ANHX: variants seen among roughly 807,000 people sequenced by gnomAD.
ANHX encodes the protein anomalous homeobox protein.
Under a neutral mutation model 38.9 loss-of-function variants are expected in ANHX, and 20 were observed. That is an observed-to-expected ratio of 0.51 (90% CI 0.36 to 0.75). ANHX has a LOEUF of 0.75. Ranked by LOEUF, ANHX falls within the 30% of genes least tolerant of loss-of-function variation. ANHX has a pLI of 0.00. For synonymous variants in ANHX, 185 were observed against 203.1 expected (o/e 0.91, Z 0.76); for missense variants, 475 against 493.1 (o/e 0.96, Z 0.35).
intron 4 of ANHX, among the ~76,000 whole-genome samples, 161 bp from the exon 5 acceptor site, chr12:133,227,313 C>A (rs1025023210): frequency 6.6e-5 from 10 of 152,214 alleles, no homozygotes; most frequent in African/African-American, 2.2e-4. Context: ...GCAGAACATG[C>A]AGGCCTCACC....
chr12:133,227,757 T>G (rs925857487), intron 4 of ANHX, 67 bp downstream of exon 4: 1 of 1,513,012 alleles, frequency 6.6e-7, no homozygotes, highest in Non-Finnish European at 8.8e-7. Context: ...GGGGTGGGGG[T>G]ACCCCTTGGG....
Position 133,227,119 on chromosome 12 carries a change from C to G in ANHX, c.535G>C (p.Glu179Gln), listed in dbSNP as rs1202660862. ...NLALETSLTP[E>Q]QVYNWFANYR... is the part of the protein sequence containing the mutation. The stretch of plus-strand genomic sequence containing the variant: ...TTGGCAAACCAGTTGTACACCTGCT[C>G]AGGGGTCAAGCTCGTCTCCAATGCC... The change falls in exon 5 of 10, where the codon GAG becomes CAG. Residue 179 changes from glutamate (E) to glutamine (Q), a missense_variant. By Grantham distance (29) the Glu-to-Gln change is conservative. Transcript: ENST00000545940. 6.5e-7 allele frequency: 1 copy of G among 1,535,940 alleles called. No homozygotes were observed. Among genetic ancestry groups the G allele is most frequent in the Non-Finnish European group, 8.7e-7 (1 of 1,146,780 alleles).
chr12:133,229,307 A>G (rs1047670830), intron 3 of ANHX, among the ~76,000 whole-genome samples: 4 of 152,188 alleles, frequency 2.6e-5, no homozygotes, highest in African/African-American at 9.7e-5. Context: ...AAGATGATAT[A>G]TGCACCAATA....
intron 1 of ANHX, chr12:133,235,410 A>T (rs1042667284): frequency 1.3e-5 from 2 of 152,534 alleles, no homozygotes; most frequent in African/African-American, 4.8e-5. Flanking sequence ...AGCTGAATGG[A>T]GGGGAAGGGT....
chr12:133,222,586 A>G (rs917552909), intron 7 of ANHX, among the ~76,000 whole-genome samples: 1 of 152,178 alleles, frequency 6.6e-6, no homozygotes, highest in Non-Finnish European at 1.5e-5. Context: ...CAGTAAGTAC[A>G]GACAGGCAAA....
chr12:133,230,595 A>G (rs1957256112), intron 3 of ANHX, among the ~76,000 whole-genome samples: 1 of 152,144 alleles, frequency 6.6e-6, no homozygotes, highest in Non-Finnish European at 1.5e-5. Context: ...TGGGAAATAT[A>G]GCAAGACCCT....
At chr12:133,228,365 T>A (rs776783542) in intron 3 of ANHX, among the ~76,000 whole-genome samples, 10 of 152,112 alleles carry the variant, frequency 6.6e-5, no homozygotes, top group Admixed American at 2.0e-4. Context: ...ACACACACAC[T>A]GTTGTCCTCA....
rs149056164 is a variant in ANHX, at chr12:133,232,052, G to A, written c.250-408C>T. ...TCCAGTGACTCTCTTTTGGCCAACA[G>A]CAAAGGGGAGGTGGAGCAGTGGTTA... On this transcript the variant is annotated intron_variant, in intron 2 of 9. Coordinates refer to ENST00000545940, the MANE Select transcript of ANHX (RefSeq NM_001372060.1). Among the ~76,000 whole-genome samples, 76 of 151,802 alleles carry A rather than the reference G, an allele frequency of 5.0e-4. 2 individuals are homozygous for A. The highest frequency in any genetic ancestry group is 1.2e-4 in the Non-Finnish European group (8 of 68,044).
intron 2 of ANHX, among the ~76,000 whole-genome samples, chr12:133,232,713 T>C (rs1321524762): frequency 6.6e-6 from 1 of 152,222 alleles, no homozygotes; most frequent in Non-Finnish European, 1.5e-5. Flanking sequence ...TTTTCATCAC[T>C]GATGCCAGTG....
At chr12:133,220,044 C>T (rs1225458394) in intron 8 of ANHX, among the ~76,000 whole-genome samples, 2 of 152,128 alleles carry the variant, frequency 1.3e-5, no homozygotes, top group East Asian at 1.9e-4. Context: ...CTATAAAATG[C>T]AGCTAATCCT....
chr12:133,223,908 A>T (rs1323990479), intron 7 of ANHX, among the ~76,000 whole-genome samples: 3 of 152,212 alleles, frequency 2.0e-5, no homozygotes, highest in African/African-American at 2.4e-5. Flanking sequence ...AGGGGGGGAA[A>T]AGCATTTCAA....
At chr12:133,222,906 G>C (rs1385363398) in intron 7 of ANHX, among the ~76,000 whole-genome samples, 1 of 152,214 alleles carries the variant, frequency 6.6e-6, no homozygotes, top group African/African-American at 2.4e-5. Flanking sequence ...ATATACAGCA[G>C]TTGGCCGGGC....
chr12:133,229,084 T>C (rs1421625096), intron 3 of ANHX, among the ~76,000 whole-genome samples: 5 of 152,150 alleles, frequency 3.3e-5, no homozygotes, highest in Non-Finnish European at 5.9e-5. Flanking sequence ...CTCAGCTGAA[T>C]CTTCCTCATC....
At chr12:133,227,405 T>C (rs1398411503) in intron 4 of ANHX, among the ~76,000 whole-genome samples, 1 of 152,192 alleles carries the variant, frequency 6.6e-6, no homozygotes, top group Non-Finnish European at 1.5e-5. Flanking sequence ...TCCCCCTGAG[T>C]GGGGCCCTTG....
chr12:133,222,065 C>T (rs558782242), intron 7 of ANHX, among the ~76,000 whole-genome samples: 1 of 152,132 alleles, frequency 6.6e-6, no homozygotes, highest in African/African-American at 2.4e-5. Context: ...GACCACCTAA[C>T]CTGGTGCCCA....
At chr12:133,230,934 T>C (rs1171278506) in intron 3 of ANHX, among the ~76,000 whole-genome samples, 1 of 152,140 alleles carries the variant, frequency 6.6e-6, no homozygotes, top group Non-Finnish European at 1.5e-5. Flanking sequence ...GTGCTGATAA[T>C]GGTGGCGATG....
At position 133,234,119 on chromosome 12, in the gene ANHX, G is replaced by A. The variant is rs1205731588; in HGVS notation, c.238C>T (p.Arg80Cys). The stretch of plus-strand genomic sequence containing the variant: ...TAGCCCAGGCCTACCTCCAGGAGGC[G>A]GCAAGCCGCCTGCTGCTGCTCCTGC... ...DQQEQQQAAC[R>C]LLEGCQVPGG... The change falls in exon 2 of 10, where the codon CGC (arginine) becomes TGC (cysteine). Residue 80 changes from arginine (R) to cysteine (C), a missense_variant. Coordinates refer to ENST00000545940, the MANE Select transcript of ANHX (RefSeq NM_001372060.1). 22 of 1,535,620 alleles carry A rather than the reference G, an allele frequency of 1.4e-5. No individual in the cohort carries two copies. The South Asian group carries it at 1.7e-4, about 12-fold the overall frequency.
rs1485429266 is a variant in ANHX, at chr12:133,221,062, G to A, written c.1280+143C>T. ...CCCTTTTCTTCATAGGTGTAGGCTT[G>A]TGGGGACTGTTACAGTTTTCAGCAA... On this transcript the variant is annotated intron_variant, in intron 8 of 9. Coordinates refer to ENST00000545940, the MANE Select transcript of ANHX (RefSeq NM_001372060.1). The surrounding 1 kb of genome is among the most constrained non-coding windows in gnomAD (Gnocchi z 4.1). 7.2e-6 allele frequency: 8 copies of A among 1,118,622 alleles called. No homozygotes were observed. The highest frequency in any genetic ancestry group is 9.8e-6 in the Non-Finnish European group (8 of 819,616). 69.3% of individuals were successfully genotyped at this position (1,118,622 alleles called of 1,614,324 possible). A position where few individuals can be genotyped will look rare whatever the true frequency, so the allele number is the denominator to read the frequency against.
chr12:133,220,809 G>T (rs1386588418), intron 8 of ANHX, among the ~76,000 whole-genome samples: 3 of 152,206 alleles, frequency 2.0e-5, no homozygotes, highest in African/African-American at 7.2e-5. Context: ...ACTATCAACA[G>T]CAAGTGCTCA....
Sources: allele counts gnomAD v4.1 joint callset (sites outside exome capture counted in the v4.1 genomes callset), GRCh38; gene constraint gnomAD v4.1.1; non-coding constraint Gnocchi (gnomAD v3.1); transcripts MANE v1.5; gene names NCBI Gene and HGNC (gene_info 2026-07-23, HGNC 2026-07-21).